The following DSCAML1 variants were observed in gnomAD, a reference collection of about 807,000 sequenced individuals.
DSCAML1 encodes the protein cell adhesion molecule DSCAML1.
In DSCAML1, 38 loss-of-function variants were observed where a neutral mutation model predicts 200.5. The observed-to-expected ratio is 0.19, with a 90% confidence interval of 0.15 to 0.25. The LOEUF is 0.25. Ranked by LOEUF, DSCAML1 falls within the 10% of genes least tolerant of loss-of-function variation. The probability of loss-of-function intolerance (pLI) is 1.00; values close to 1 mark genes in which losing one functional copy is unlikely to be tolerated. For synonymous variants in DSCAML1, 1,215 were observed against 1,165.0 expected (o/e 1.04, Z -0.87); for missense variants, 2,223 against 2,858.8 (o/e 0.78, Z 5.07).
intron 3 of DSCAML1, among the ~76,000 whole-genome samples, chr11:117,603,862 A>C (rs963713404): frequency 5.3e-5 from 8 of 152,260 alleles, no homozygotes; most frequent in Non-Finnish European, 8.8e-5. Flanking sequence ...CACTACCACC[A>C]GCCGCTTGAA....
intron 1 of DSCAML1, among the ~76,000 whole-genome samples, chr11:117,790,628 T>C (rs1423069143): frequency 2.6e-5 from 4 of 152,252 alleles, no homozygotes; most frequent in Non-Finnish European, 5.9e-5. Flanking sequence ...TGTGTTCATA[T>C]GTTGCCTCAT....
chr11:117,726,761 C>T (rs576141595), intron 3 of DSCAML1, among the ~76,000 whole-genome samples: 2 of 152,252 alleles, frequency 1.3e-5, no homozygotes, highest in East Asian at 3.9e-4. Flanking sequence ...GAGCTGGTGA[C>T]CTGCTAAACC....
intron 3 of DSCAML1, among the ~76,000 whole-genome samples, chr11:117,538,950 C>T (rs1283801357): frequency 6.6e-6 from 1 of 152,080 alleles, no homozygotes; most frequent in African/African-American, 2.4e-5. Context: ...TCCACCACTG[C>T]CCCTCCTCCT....
chr11:117,520,128 T>C (rs982729107), intron 6 of DSCAML1, among the ~76,000 whole-genome samples: 6 of 152,300 alleles, frequency 3.9e-5, no homozygotes, highest in African/African-American at 4.8e-5. Context: ...CACTGCTCCT[T>C]TGTACAAATG....
chr11:117,506,101 G>A (rs2049491860), intron 8 of DSCAML1, among the ~76,000 whole-genome samples: 1 of 152,222 alleles, frequency 6.6e-6, no homozygotes, highest in Non-Finnish European at 1.5e-5. Flanking sequence ...GCAGCTCACA[G>A]CTCTCTGGGG....
Position 117,439,385 on chromosome 11 carries a change from A to T in DSCAML1, c.4025T>A (p.Ile1342Asn). ...IPVSMDGHRL[I>N]HTNGTLLLRA... ...CAGCAGCAGTGTGCCATTGGTGTGG[A>T]TGAGCCGGTGCCCATCCATGGACAC... Residue 1342 changes from isoleucine (I) to asparagine (N), a missense_variant, in exon 23 of 33, where the codon ATC becomes AAC. By Grantham distance (149) the Ile-to-Asn change is moderately radical (BLOSUM62 -3). This residue lies in a region of DSCAML1 where 614 missense variants were observed against 739.1 expected (regional missense o/e 0.83). Coordinates refer to ENST00000651296, the MANE Select transcript of DSCAML1 (RefSeq NM_020693.4). The T allele has an allele frequency of 1.2e-6, 2 of 1,613,706 alleles. No individual in the cohort carries two copies. The highest frequency in any genetic ancestry group is 1.7e-6 in the Non-Finnish European group (2 of 1,179,966).
chr11:117,523,323 G>C (rs1227703822), intron 5 of DSCAML1, among the ~76,000 whole-genome samples: 2 of 151,566 alleles, frequency 1.3e-5, no homozygotes, highest in African/African-American at 4.9e-5. Context: ...GGGTGGGAAG[G>C]AGGTGAAGGT....
intron 3 of DSCAML1, among the ~76,000 whole-genome samples, chr11:117,715,236 C>A (rs1446984652): frequency 6.6e-6 from 1 of 152,126 alleles, no homozygotes; most frequent in African/African-American, 2.4e-5. Context: ...CTGCTCCCTC[C>A]TTCCCTCCTT....
chr11:117,660,868 A>C (rs2052834111), intron 3 of DSCAML1, among the ~76,000 whole-genome samples: 1 of 152,204 alleles, frequency 6.6e-6, no homozygotes, highest in South Asian at 2.1e-4. Flanking sequence ...AATTTGAGAA[A>C]GATCCTCTGC....
chr11:117,728,882 C>A (rs1759904616), intron 3 of DSCAML1, among the ~76,000 whole-genome samples: 1 of 152,180 alleles, frequency 6.6e-6, no homozygotes, highest in South Asian at 2.1e-4. Context: ...CCTACACAGT[C>A]CCTAGCAGAA....
intron 3 of DSCAML1, among the ~76,000 whole-genome samples, chr11:117,721,720 CAT>C (rs1190421215): frequency 6.9e-5 from 10 of 145,004 alleles, no homozygotes; most frequent in African/African-American, 1.0e-4. Context: ...TAAAATATAT[CAT>C]ATATCATATA....
intron 3 of DSCAML1, among the ~76,000 whole-genome samples, chr11:117,663,625 C>T (rs770406837): frequency 1.3e-5 from 2 of 151,366 alleles, no homozygotes; most frequent in African/African-American, 2.4e-5. Flanking sequence ...GCCAAGTGCC[C>T]GGCCAGGCCA....
chr11:117,692,252 TA>T (rs2053508244), intron 3 of DSCAML1, among the ~76,000 whole-genome samples: 1 of 152,060 alleles, frequency 6.6e-6, no homozygotes, highest in African/African-American at 2.4e-5. Flanking sequence ...TGCTCTTTGC[TA>T]AATCAGCCCC....
intron 3 of DSCAML1, among the ~76,000 whole-genome samples, chr11:117,719,312 C>T (rs1216588633): frequency 2.0e-5 from 3 of 152,080 alleles, no homozygotes; most frequent in African/African-American, 4.8e-5. Context: ...AAATATAAGC[C>T]GGAGGTGATG....
Position 117,678,637 on chromosome 11 carries a change from T to C in DSCAML1, c.511+98154A>G, listed in dbSNP as rs577524119. Among the ~76,000 whole-genome samples, 23 of 152,178 alleles carry C rather than the reference T, an allele frequency of 1.5e-4. No homozygotes were observed. In the South Asian group the frequency reaches 3.7e-3, roughly 25 times the overall value. ...GAGAGTCCTGAAGGTAGTGAGTGAG[T>C]GTGCCACATGGGTACCTAGTGGAAG... On this transcript the variant is annotated intron_variant, in intron 3 of 32. Transcript: ENST00000651296.
chr11:117,459,160 A>C (rs1183302062), intron 18 of DSCAML1, among the ~76,000 whole-genome samples: 1 of 152,150 alleles, frequency 6.6e-6, no homozygotes, highest in African/African-American at 2.4e-5. Context: ...GCCTCAATTG[A>C]CCTTGCACCA....
rs1491340418 is a variant in DSCAML1 at position 117,780,219 on chromosome 11, GAA to G, written c.364+272_364+273del. Among the ~76,000 whole-genome samples, 6,692 of 65,542 alleles carry G rather than the reference GAA, an allele frequency of 0.1. 301 individuals are homozygous for G. The highest frequency in any genetic ancestry group is 0.2 in the Middle Eastern group (29 of 144). 43.0% of individuals were successfully genotyped at this position (65,542 alleles called of 152,430 possible). The stretch of plus-strand genomic sequence containing the variant: ...AGAAAGAGAAAGAAAGAGAGAGAGA[GAA>G]AGAAAGAAAGGAAAGAAAGAAAGAA... On this transcript the variant is annotated intron_variant, in intron 2 of 32. Transcript: ENST00000651296. This position sits in a 1 kb window ranked among gnomAD's most constrained non-coding sequence, Gnocchi z 4.8.
At chr11:117,522,295 T>C (rs2137319200) in intron 5 of DSCAML1, among the ~76,000 whole-genome samples, 1 of 152,364 alleles carries the variant, frequency 6.6e-6, no homozygotes, top group Middle Eastern at 3.4e-3. Context: ...CACACCACAC[T>C]GAGCACCCTG....
chr11:117,701,239 C>T (rs1442755903), intron 3 of DSCAML1, among the ~76,000 whole-genome samples: 2 of 152,042 alleles, frequency 1.3e-5, no homozygotes, highest in East Asian at 1.9e-4. Flanking sequence ...GCACTCCAGC[C>T]TGGGCAACAG....
Sources: allele counts gnomAD v4.1 joint callset (sites outside exome capture counted in the v4.1 genomes callset), GRCh38; gene constraint gnomAD v4.1.1; regional missense constraint gnomAD v4.1.1; non-coding constraint Gnocchi (gnomAD v3.1); transcripts MANE v1.5; gene names NCBI Gene and HGNC (gene_info 2026-07-23, HGNC 2026-07-21).